The following CCDC171 variants were observed in gnomAD, a reference collection of about 807,000 sequenced individuals.
The protein encoded by CCDC171 is coiled-coil domain-containing protein 171.
In CCDC171, 177 loss-of-function variants were observed where a neutral mutation model predicts 168.2. The ratio of observed to expected loss-of-function variants is 1.05; its 90% CI spans 0.93 to 1.19. CCDC171 has a LOEUF of 1.19. Ranked by LOEUF, CCDC171 falls within the 50% of genes most tolerant of loss-of-function variation. The probability of loss-of-function intolerance (pLI) is 0.00; values close to 1 mark genes in which losing one functional copy is unlikely to be tolerated. For synonymous variants in CCDC171, 687 were observed against 540.8 expected (o/e 1.27, Z -3.75); for missense variants, 1,991 against 1,539.0 (o/e 1.29, Z -4.91).
At chr9:15,661,991 T>C (rs1418390374) in intron 8 of CCDC171, among the ~76,000 whole-genome samples, 2 of 152,226 alleles carry the variant, frequency 1.3e-5, no homozygotes, top group East Asian at 3.9e-4. Context: ...GAATAAACGT[T>C]TCATGCCAGG....
At chr9:15,645,099 T>C in intron 7 of CCDC171, among the ~76,000 whole-genome samples, 1 of 152,224 alleles carries the variant, frequency 6.6e-6, no homozygotes, top group African/African-American at 2.4e-5. Flanking sequence ...TTTGCTGTTC[T>C]GCAGCTTCCG....
chr9:15,775,899 T>C (rs943155796), intron 18 of CCDC171, among the ~76,000 whole-genome samples: 1 of 152,176 alleles, frequency 6.6e-6, no homozygotes, highest in Admixed American at 6.5e-5. Flanking sequence ...AAAAAGAGTT[T>C]GTTAAGATGA....
At chr9:15,673,725 T>C (rs547106402) in intron 9 of CCDC171, among the ~76,000 whole-genome samples, 10 of 152,314 alleles carry the variant, frequency 6.6e-5, no homozygotes, top group Admixed American at 3.9e-4. Context: ...ATAAGCTTTT[T>C]GATGTGCTGC....
intron 5 of CCDC171, 143 bp from the exon 6 acceptor site, chr9:15,593,898 A>G: frequency 1.7e-6 from 1 of 597,538 alleles, no homozygotes; most frequent in South Asian, 2.3e-5. Flanking sequence ...ATCAAATTAT[A>G]GTTTTATTAA....
At position 15,920,425 on chromosome 9, in the gene CCDC171, A is replaced by T. The variant is rs774858954; in HGVS notation, c.3753+3A>T. ...GTGAAAATGCAAGTTTACAATCAGT[A>T]AGTCCTTGTCTAACAATATTTTTAT... On this transcript the variant is annotated splice_donor_region_variant and intron_variant, in intron 25 of 25. Coordinates refer to ENST00000380701, the MANE Select transcript of CCDC171 (RefSeq NM_173550.4). 22 of 1,596,032 alleles carry T rather than the reference A, an allele frequency of 1.4e-5. No homozygotes were observed. In the South Asian group the frequency reaches 2.4e-4, roughly 17 times the overall value.
intron 7 of CCDC171, among the ~76,000 whole-genome samples, chr9:15,650,250 G>C (rs550113720): frequency 1.3e-5 from 2 of 152,126 alleles, no homozygotes; most frequent in Non-Finnish European, 2.9e-5. Flanking sequence ...GGCCTGTCGT[G>C]GGGTGGAGGG....
the CCDC171 span, among the ~76,000 whole-genome samples, chr9:16,108,532 A>G: frequency 1.3e-5 from 2 of 152,238 alleles, no homozygotes; most frequent in Non-Finnish European, 2.9e-5. Context: ...AGGATGTCAG[A>G]GGCAGATTCT....
In CCDC171 at chr9:15,664,567, T is replaced by TACACACACAC. The variant is rs34252519; in HGVS notation, c.916-1583_916-1574dup. ...CTTGGCCTGTAGGCCCTTAAATTTA[T>TACACACACAC]ACACACACACACACACACACACTCA... On this transcript the variant is annotated intron_variant, in intron 8 of 25. Transcript: ENST00000380701. Among the ~76,000 whole-genome samples the TACACACACAC allele has an allele frequency of 5.5e-3, 799 of 144,034 alleles. 10 individuals carry two copies. Among genetic ancestry groups the TACACACACAC allele is most frequent in the East Asian group, 0.013 (63 of 4,824 alleles). The allele number at this position is 144,034 out of a possible 152,430, so 94.5% of individuals were successfully genotyped here. A position where few individuals can be genotyped will look rare whatever the true frequency, so the allele number is the denominator to read the frequency against.
chr9:15,599,100 C>G (rs1339871997), intron 6 of CCDC171, among the ~76,000 whole-genome samples: 1 of 152,138 alleles, frequency 6.6e-6, no homozygotes, highest in Non-Finnish European at 1.5e-5. Context: ...GACTCTTTAT[C>G]CAATTTGCCA....
intron 25 of CCDC171, among the ~76,000 whole-genome samples, chr9:15,949,321 A>G (rs1828828163): frequency 6.6e-6 from 1 of 152,026 alleles, no homozygotes; most frequent in African/African-American, 2.4e-5. Flanking sequence ...TTTTGGTTCC[A>G]TATGAACTTT....
At chr9:15,908,705 A>G (rs1352526951) in intron 24 of CCDC171, among the ~76,000 whole-genome samples, 1 of 152,084 alleles carries the variant, frequency 6.6e-6, no homozygotes, top group African/African-American at 2.4e-5. Flanking sequence ...AAGAAATTTA[A>G]TTGACTGATG....
chr9:15,653,395 G>A (rs114698315), intron 7 of CCDC171, among the ~76,000 whole-genome samples: 1 of 152,048 alleles, frequency 6.6e-6, no homozygotes, highest in Non-Finnish European at 1.5e-5. Flanking sequence ...CCCTGAGTTG[G>A]CCTTCTGAAG....
chr9:15,957,519 A>C (rs992181312), intron 25 of CCDC171, among the ~76,000 whole-genome samples: 1 of 152,208 alleles, frequency 6.6e-6, no homozygotes, highest in Non-Finnish European at 1.5e-5. Flanking sequence ...ACTGTCCTGC[A>C]TTCAAATGAT....
intron 25 of CCDC171, among the ~76,000 whole-genome samples, chr9:15,951,709 C>G (rs1347727497): frequency 6.6e-6 from 1 of 152,008 alleles, no homozygotes; most frequent in Non-Finnish European, 1.5e-5. Flanking sequence ...TTTTTTAAAT[C>G]AGGCATTTTG....
intron 3 of CCDC171, among the ~76,000 whole-genome samples, chr9:15,989,311 A>G (rs1832107084): frequency 6.6e-6 from 1 of 152,218 alleles, no homozygotes; most frequent in Admixed American, 6.5e-5. Context: ...ATACCCAGGC[A>G]AACAGGATCT....
intron 7 of CCDC171, among the ~76,000 whole-genome samples, chr9:15,631,175 G>T (rs868653932): frequency 6.6e-6 from 1 of 152,052 alleles, no homozygotes; most frequent in Non-Finnish European, 1.5e-5. Context: ...TAAAATCAGA[G>T]CAGAACTGAA....
At position 15,745,516 on chromosome 9, in the gene CCDC171, A is replaced by G. The variant is rs2134672289; in HGVS notation, c.2556A>G (p.Lys852=). ...GEPQDKHKFP[K]HQKEQLRCLQ... ...CAATGGATTTTTTCAATTTTATAGA[A>G]CATCAAAAGGAGCAGTTGCGTTGTT... The change falls in exon 18 of 26, where the codon AAA becomes AAG. Residue 852 remains lysine, a splice_region_variant and synonymous_variant. Transcript: ENST00000380701. The G allele has an allele frequency of 2.0e-6, 3 of 1,537,480 alleles. No homozygotes were observed. In the East Asian group the frequency reaches 7.1e-5, roughly 37 times the overall value.
At position 15,553,949 on chromosome 9, in the gene CCDC171, C is replaced by T. The variant is rs555686361; in HGVS notation, c.-112+647C>T. 2.4e-4 allele frequency among the ~76,000 whole-genome samples: 36 copies of T among 151,568 alleles called. 1 individual carries two copies. Among genetic ancestry groups the T allele is most frequent in the Admixed American group, 8.5e-4 (13 of 15,224 alleles). On this transcript the variant is annotated intron_variant, in intron 1 of 25. Transcript: ENST00000380701. Reference sequence around the variant, plus strand: ...TTTGTTTATTAGAGTTGGTGTCCAGCTCTTTTGAATACATGACATACCGAT... The same window carrying T: ...TTTGTTTATTAGAGTTGGTGTCCAGTTCTTTTGAATACATGACATACCGAT...
chr9:15,881,553 C>A (rs1818647789), intron 24 of CCDC171, among the ~76,000 whole-genome samples: 1 of 152,148 alleles, frequency 6.6e-6, no homozygotes, highest in Non-Finnish European at 1.5e-5. Context: ...CCCTACTGAT[C>A]TAACACTAGG....
Sources: gnomAD v4.1 joint callset for allele counts (sites outside exome capture counted in the v4.1 genomes callset) on GRCh38, gnomAD v4.1.1 for gene constraint, MANE v1.5 for transcripts, NCBI Gene and HGNC (gene_info 2026-07-23, HGNC 2026-07-21) for gene names.